Variants in OR6K6 observed in about 807,000 individuals in gnomAD.
OR6K6 encodes the protein olfactory receptor 6K6.
Under a neutral mutation model 8.1 loss-of-function variants are expected in OR6K6, and 9 were observed. The ratio of observed to expected loss-of-function variants is 1.11; its 90% CI spans 0.67 to 1.94. The LOEUF is 1.94. OR6K6 is among the 30% of genes most tolerant of loss of function. The probability of loss-of-function intolerance (pLI) is 0.00; values close to 1 mark genes in which losing one functional copy is unlikely to be tolerated. For synonymous variants in OR6K6, 156 were observed against 140.3 expected (o/e 1.11, Z -0.79); for missense variants, 400 against 383.1 (o/e 1.04, Z -0.37).
chr1:158,755,663 C>G (rs754658873), exon 1 of OR6K6: 5 of 1,614,134 alleles, frequency 3.1e-6, no homozygotes, highest in South Asian at 1.1e-5. Context: ...GGCAGTGTGG[C>G]TGTCATGTAT....
rs1558026038 is a variant in OR6K6 at position 158,754,892 on chromosome 1, CACAGTTG to C, written c.8_14del (p.Gln3ArgfsTer9). ...TTTCCTTTTCTGTGTTCACAGATGA[CACAGTTG>C]ACGGCCAGTGGGAATCAGACAATGG... is the stretch of plus-strand genomic sequence containing the variant. On this transcript the variant is annotated frameshift_variant, in exon 1 of 1. Coordinates refer to ENST00000641861, the Ensembl canonical transcript of OR6K6. LOFTEE classifies it high-confidence loss of function. The C allele has an allele frequency of 1.2e-6, 2 of 1,613,870 alleles. No individual in the cohort carries two copies. The highest frequency in any genetic ancestry group is 1.7e-6 in the Non-Finnish European group (2 of 1,179,760).
At chr1:158,754,923 G>T (rs1384605417) in exon 1 of OR6K6, 4 of 1,613,884 alleles carry the variant, frequency 2.5e-6, no homozygotes, top group Non-Finnish European at 3.4e-6. Context: ...ATCAGACAAT[G>T]GTGACTGAGT....
chr1:158,755,807 T>C, exon 1 of OR6K6: 1 of 1,612,318 alleles, frequency 6.2e-7, no homozygotes, highest in East Asian at 2.2e-5. Flanking sequence ...ATTGGAAGGC[T>C]TTTCCACTAT....
chr1:158,755,382 A>G (rs1206454392), exon 1 of OR6K6: 1 of 1,614,154 alleles, frequency 6.2e-7, no homozygotes. Context: ...CTGAGATTGC[A>G]TGGATTTCCA....
At chr1:158,755,741 C>A in exon 1 of OR6K6, 1 of 1,614,074 alleles carries the variant, frequency 6.2e-7, no homozygotes, top group Non-Finnish European at 8.5e-7. Flanking sequence ...GTTATCCTTG[C>A]TCCCTTTTTC....
exon 1 of OR6K6, chr1:158,755,030 T>C (rs757960524): frequency 6.2e-7 from 1 of 1,614,182 alleles, no homozygotes; most frequent in South Asian, 1.1e-5. Flanking sequence ...GGAAACCTAA[T>C]AATGTTCATT....
rs762241302 is a variant in OR6K6, at chr1:158,755,072, C to G, written c.185C>G (p.Pro62Arg). The G allele has an allele frequency of 6.4e-5, 103 of 1,614,178 alleles. No individual in the cohort carries two copies. The Middle Eastern group carries it at 6.6e-4, about 10-fold the overall frequency. The change falls in exon 1 of 1, where the codon CCT becomes CGT. Residue 62 changes from proline (P) to arginine (R), a missense_variant. Coordinates refer to ENST00000641861, the Ensembl canonical transcript of OR6K6. ...CAGGTGGGCATGGCCCTGCACACCCCTTTGTATTTCTTTATCAGTGTCCTC... is the reference window on the plus strand; with the variant it reads ...CAGGTGGGCATGGCCCTGCACACCCGTTTGTATTTCTTTATCAGTGTCCTC...
chr1:158,755,771 T>C (rs1346457356), exon 1 of OR6K6: 14 of 1,613,950 alleles, frequency 8.7e-6, no homozygotes, highest in Non-Finnish European at 1.2e-5. Context: ...ATCTATAGCC[T>C]GAAAAACAAG....
exon 1 of OR6K6, chr1:158,755,692 T>A: frequency 6.2e-7 from 1 of 1,614,236 alleles, no homozygotes; most frequent in Non-Finnish European, 8.5e-7. Flanking sequence ...CTCAGCCACC[T>A]ACTCAGTGTT....
chr1:158,755,498 C>T (rs368729090), exon 1 of OR6K6: 3 of 1,613,972 alleles, frequency 1.9e-6, no homozygotes, highest in Non-Finnish European at 2.5e-6. Context: ...ATTGTGGATG[C>T]CATCCATGCA....
At chr1:158,755,502 C>A in exon 1 of OR6K6, 1 of 1,614,148 alleles carries the variant, frequency 6.2e-7, no homozygotes, top group Admixed American at 1.7e-5. Context: ...TGGATGCCAT[C>A]CATGCAGCGG....
exon 1 of OR6K6, chr1:158,754,989 C>T: frequency 6.2e-7 from 1 of 1,614,160 alleles, no homozygotes; most frequent in Non-Finnish European, 8.5e-7. Flanking sequence ...TCTTTATTCC[C>T]TTGCTTCTCA....
At chr1:158,755,331 G>A (rs1241343372) in exon 1 of OR6K6, 1 of 1,614,200 alleles carries the variant, frequency 6.2e-7, no homozygotes, top group Non-Finnish European at 8.5e-7. Flanking sequence ...GTATCCAGCT[G>A]ACAGTTGGAT....
chr1:158,755,200 A>C (rs1289949351), exon 1 of OR6K6: 1 of 1,614,008 alleles, frequency 6.2e-7, no homozygotes, highest in South Asian at 1.1e-5. Flanking sequence ...CCTCCTGCAG[A>C]TGTACTTTTT....
At chr1:158,755,489 T>C (rs757724598) in exon 1 of OR6K6, 8 of 1,614,082 alleles carry the variant, frequency 5.0e-6, no homozygotes, top group African/African-American at 1.3e-5. Context: ...CTAGTGGTCA[T>C]TGTGGATGCC....
At chr1:158,755,866 CT>C in exon 1 of OR6K6, 1 of 1,545,452 alleles carries the variant, frequency 6.5e-7, no homozygotes, top group Middle Eastern at 1.7e-4. Flanking sequence ...CCTGGAGACT[CT>C]AAAAAGCCTC....
At chr1:158,755,469 A>G in exon 1 of OR6K6, 1 of 1,614,226 alleles carries the variant, frequency 6.2e-7, no homozygotes, top group Non-Finnish European at 8.5e-7. Flanking sequence ...TGGCCTGCAC[A>G]GATACATTCC....
chr1:158,755,611 TC>T lies in OR6K6; in HGVS notation c.726del (p.Thr243ProfsTer21). The T allele has an allele frequency of 6.2e-7, 1 of 1,614,214 alleles. No homozygotes were observed. Among genetic ancestry groups the T allele is most frequent in the Non-Finnish European group, 8.5e-7 (1 of 1,180,028 alleles). On this transcript the variant is annotated frameshift_variant, in exon 1 of 1. Coordinates refer to ENST00000641861, the Ensembl canonical transcript of OR6K6. LOFTEE classifies it high-confidence loss of function. ...AGCTGAAGGTCATCACAAGGCCTTT[TC>T]CACCTGTGCTGCTCACCTTGCTGTG...
chr1:158,755,760 C>G (rs1254983239), exon 1 of OR6K6: 3 of 1,613,924 alleles, frequency 1.9e-6, no homozygotes, highest in Admixed American at 1.7e-5. Flanking sequence ...TCAACCCCAT[C>G]ATCTATAGCC....
Sources: gnomAD v4.1 joint callset for allele counts on GRCh38, gnomAD v4.1.1 for gene constraint, MANE v1.5 for transcripts, NCBI Gene and HGNC (gene_info 2026-07-23, HGNC 2026-07-21) for gene names.